MUC4: variants seen among roughly 807,000 people sequenced by gnomAD.
MUC4 encodes the protein mucin-4.
Under a neutral mutation model 257.9 loss-of-function variants are expected in MUC4, and 202 were observed. The ratio of observed to expected loss-of-function variants is 0.78; its 90% CI spans 0.70 to 0.88. MUC4 has a LOEUF of 0.88. Among genes scored for constraint, MUC4 ranks in the 40% least tolerant of loss-of-function variants. The probability of loss-of-function intolerance (pLI) is 0.00; values close to 1 mark genes in which losing one functional copy is unlikely to be tolerated. For missense variants in MUC4, 5,976 were observed against 6,513.7 expected, an observed-to-expected ratio of 0.92 and a Z score of 2.84; for synonymous variants, 2,351 against 2,757.1, an observed-to-expected ratio of 0.85 and a Z score of 4.62.
chr3:195,754,974 C>CCATGTGTGTATG (rs1378218361), intron 18 of MUC4, among the ~76,000 whole-genome samples: 1 of 151,960 alleles, frequency 6.6e-6, no homozygotes, highest in Non-Finnish European at 1.5e-5. Context: ...GTGTATGTAT[C>CCATGTGTGTATG]CATGTGTGTA....
At chr3:195,763,728 C>G in intron 11 of MUC4, 87 bp from the exon 12 acceptor site, 1 of 1,303,472 alleles carries the variant, frequency 7.7e-7, no homozygotes, top group Non-Finnish European at 1.0e-6. Context: ...CGGCACTTGT[C>G]CAGGAGGACT....
rs147254808 is a variant in MUC4 at position 195,789,150 on chromosome 3, C to T, written c.2430G>A (p.Ala810=). 8.7e-5 allele frequency: 141 copies of T among 1,613,702 alleles called. No individual in the cohort carries two copies. The highest frequency in any genetic ancestry group is 4.5e-4 in the East Asian group (20 of 44,866). The change falls in exon 2 of 25, where the codon GCG becomes GCA. Residue 810 remains alanine, a synonymous_variant. Transcript: ENST00000463781. ...CGCTTCCTGAAGGTGTTGTGCCACT[C>T]GCCCCGGATGAGGAAGGGGTAGCTG... is the stretch of plus-strand genomic sequence containing the variant. ...AGTATPSSSG[A]SGTTPSGSEG... is the part of the protein sequence containing the mutation.
Position 195,753,203 on chromosome 3 carries a change from T to A in MUC4, c.15356A>T (p.Asn5119Ile). 1 of 1,614,008 alleles carries A rather than the reference T, an allele frequency of 6.2e-7. No individual in the cohort carries two copies. The highest frequency in any genetic ancestry group is 8.5e-7 in the Non-Finnish European group (1 of 1,179,928). The change falls in exon 20 of 25, where the codon AAC (asparagine) becomes ATC (isoleucine). Residue 5119 changes from asparagine to isoleucine, a missense_variant. Around this residue, in one of 44 missense-constraint regions of MUC4, gnomAD observed 996 missense variants for 1,137.3 expected, o/e 0.88. Transcript: ENST00000463781. ...AALGSSFLCQ[N>I]QSCPVNYCYN... The stretch of plus-strand genomic sequence containing the variant: ...GCAGTAATTCACAGGGCAGGACTGG[T>A]TCTGACACAGGAAAGAGCTCCCCAG...
intron 4 of MUC4, among the ~76,000 whole-genome samples, chr3:195,772,302 G>C (rs1018140697): frequency 8.0e-5 from 12 of 150,768 alleles, no homozygotes; most frequent in Non-Finnish European, 1.6e-4. Context: ...CATCACTTAG[G>C]GGGTGGAACC....
intron 19 of MUC4, chr3:195,753,596 T>C (rs1200898928): frequency 3.0e-6 from 1 of 338,280 alleles, no homozygotes; most frequent in East Asian, 8.0e-5. Context: ...CACTCTGGCC[T>C]CGGCTCTGAA....
chr3:195,767,847 TCGCCAC>T (rs1560265783), intron 7 of MUC4, among the ~76,000 whole-genome samples: 23 of 45,918 alleles, frequency 5.0e-4, no homozygotes, highest in Non-Finnish European at 9.5e-4. Context: ...ACCACCACCA[TCGCCAC>T]CATCACCCCC....
At position 195,790,507 on chromosome 3, in the gene MUC4, C is replaced by G. The variant is rs765390640; in HGVS notation, c.1073G>C (p.Gly358Ala). ...TTSTVLSSPS[G>A]FNPSGTVSQE... ...AGAAACTGTTCCACTTGGGTTGAAT[C>G]CACTTGGTGAGGATAAAACAGTTGA... The change falls in exon 2 of 25, where the codon GGA (glycine) becomes GCA (alanine). Residue 358 changes from glycine to alanine, a missense_variant. Around this residue, in one of 44 missense-constraint regions of MUC4, gnomAD observed 1,583 missense variants for 1,257.4 expected, o/e 1.26. Transcript: ENST00000463781. The G allele has an allele frequency of 6.2e-7, 1 of 1,613,988 alleles. No individual in the cohort carries two copies. Among genetic ancestry groups the G allele is most frequent in the East Asian group, 2.2e-5 (1 of 44,876 alleles).
Position 195,785,411 on chromosome 3 carries a change from C to G in MUC4, c.6169G>C (p.Val2057Leu), listed in dbSNP as rs538445657. 77 of 1,507,676 alleles carry G rather than the reference C, an allele frequency of 5.1e-5. 6 individuals carry two copies. Among genetic ancestry groups the G allele is most frequent in the African/African-American group, 2.6e-4 (18 of 69,178 alleles). The allele number at this position is 1,507,676 out of a possible 1,614,324, so 93.4% of individuals were successfully genotyped here. The change falls in exon 2 of 25, where the codon GTA becomes CTA. Residue 2057 changes from valine to leucine, a missense_variant. Coordinates refer to ENST00000463781, the MANE Select transcript of MUC4 (RefSeq NM_018406.7). ...AGAGGCGTGGTGTCACCTGTGGATA[C>G]TGAGGAAAGGCTGGTGACAGGAAGA... ...TPLPVTSLSS[V>L]STGDTTPLPV...
chr3:195,790,153 G>A lies in MUC4; in HGVS notation c.1427C>T (p.Ser476Phe). ...HERSSFSPGVSQEIFTLHETT... is the reference protein window; with the variant it reads ...HERSSFSPGVFQEIFTLHETT... ...TTCATGTAGAGTAAATATTTCTTGAGACACACCTGGAGAGAATGAGCTCCT... is the reference window on the plus strand; with the variant it reads ...TTCATGTAGAGTAAATATTTCTTGAAACACACCTGGAGAGAATGAGCTCCT... The change falls in exon 2 of 25, where the codon TCT becomes TTT. Residue 476 changes from serine (S) to phenylalanine (F), a missense_variant. Physicochemically the swap from Ser to Phe is radical, Grantham distance 155 (BLOSUM62 -2). Transcript: ENST00000463781. 5.6e-6 allele frequency: 9 copies of A among 1,614,004 alleles called. No homozygotes were observed. The highest frequency in any genetic ancestry group is 7.6e-6 in the Non-Finnish European group (9 of 1,179,900).
In MUC4 at chr3:195,749,064, A is replaced by G. The variant is rs757159397; in HGVS notation, c.15872T>C (p.Leu5291Pro). The G allele has an allele frequency of 1.9e-6, 3 of 1,606,936 alleles. No individual in the cohort carries two copies. Among genetic ancestry groups the G allele is most frequent in the Non-Finnish European group, 1.7e-6 (2 of 1,175,848 alleles). Residue 5291 changes from leucine (L) to proline (P), a missense_variant and splice_region_variant, in exon 24 of 25, where the codon CTG becomes CCG. Physicochemically the swap from Leu to Pro is moderately conservative, Grantham distance 98. This residue lies in a region of MUC4 where 310 missense variants were observed against 242.1 expected (regional missense o/e 1.28). Transcript: ENST00000463781. ...SGEDVRDVTA[L>P]NVSTLKAYFR... The stretch of plus-strand genomic sequence containing the variant: ...GTAAGCCTTCAGCGTGCTCACGTTC[A>G]CTGTCGGGAAGGACACAGATTAACA...
At chr3:195,767,793 CCACCACCATCATCACCACCAT>C (rs1387265008) in intron 7 of MUC4, among the ~76,000 whole-genome samples, 1 of 73,214 alleles carries the variant, frequency 1.4e-5, no homozygotes, top group African/African-American at 5.3e-5. Flanking sequence ...ACCATCATTG[CCACCACCATCATCACCACCAT>C]CACCACCACC....
chr3:195,770,469 A>C, intron 5 of MUC4, 98 bp from the exon 6 acceptor site: 1 of 1,387,992 alleles, frequency 7.2e-7, no homozygotes, highest in Non-Finnish European at 1.0e-6. Flanking sequence ...ACTTCAGCCC[A>C]CCCAATGGCC....
In MUC4 at chr3:195,757,517, C is replaced by T. The variant is rs1169706302; in HGVS notation, c.14987-189G>A. On this transcript the variant is annotated intron_variant, in intron 17 of 24. Coordinates refer to ENST00000463781, the MANE Select transcript of MUC4 (RefSeq NM_018406.7). This position sits in a 1 kb window ranked among gnomAD's most constrained non-coding sequence, Gnocchi z 4.8. ...CTGGTCACGCTCCCAGCTGGAAGGACGTGGCACCAGTCCAACATACTGATT... is the reference window on the plus strand; with the variant it reads ...CTGGTCACGCTCCCAGCTGGAAGGATGTGGCACCAGTCCAACATACTGATT... Among the ~76,000 whole-genome samples, 6 of 151,950 alleles carry T rather than the reference C, an allele frequency of 3.9e-5. No individual in the cohort carries two copies. The highest frequency in any genetic ancestry group is 2.6e-4 in the Admixed American group (4 of 15,252).
In MUC4 at chr3:195,778,342, G is replaced by A. The variant is rs759653732; in HGVS notation, c.12904C>T (p.Arg4302Cys). The part of the protein sequence containing the change: ...STIPSTAMHT[R>C]STAAPIPILP... ...ATGGGGATGGGGGCAGCTGTGGAGC[G>A]GGTGTGCATGGCAGTGCTGGGAATG... Residue 4302 changes from arginine to cysteine, a missense_variant, in exon 3 of 25, where the codon CGC (arginine) becomes TGC (cysteine). By Grantham distance (180) the Arg-to-Cys change is radical. Transcript: ENST00000463781. The A allele has an allele frequency of 1.2e-5, 19 of 1,612,562 alleles. No individual in the cohort carries two copies. The highest frequency in any genetic ancestry group is 3.3e-5 in the Admixed American group (2 of 59,930).
intron 3 of MUC4, among the ~76,000 whole-genome samples, chr3:195,776,057 ATACCTTCCACACCCT>A: frequency 3.1e-5 from 1 of 32,272 alleles, no homozygotes; most frequent in Non-Finnish European, 5.5e-5. Flanking sequence ...TTCCACACCC[ATACCTTCCACACCCT>A]TACCTTCCAC....
At position 195,761,483 on chromosome 3, in the gene MUC4, C is replaced by A. The variant is rs774560690; in HGVS notation, c.14614+1G>T. 84 of 1,612,622 alleles carry A rather than the reference C, an allele frequency of 5.2e-5. No homozygotes were observed. Among genetic ancestry groups the A allele is most frequent in the Non-Finnish European group, 6.6e-5 (78 of 1,178,756 alleles). On this transcript the variant is annotated splice_donor_variant, in intron 15 of 24. Transcript: ENST00000463781. LOFTEE classifies it high-confidence loss of function. ...TGCCCCAGGACCCTGCCCAGACTCA[C>A]AGGTCATTCCAAAGTGGAAAAGCAT...
chr3:195,806,679 G>C (rs963727966), intron 1 of MUC4, among the ~76,000 whole-genome samples: 2 of 152,198 alleles, frequency 1.3e-5, no homozygotes, highest in Non-Finnish European at 2.9e-5. Flanking sequence ...TCCGTCGGTG[G>C]GCTGGGCTGG....
chr3:195,774,506 C>T (rs897722859), intron 3 of MUC4, among the ~76,000 whole-genome samples: 2 of 152,188 alleles, frequency 1.3e-5, no homozygotes, highest in Admixed American at 6.5e-5. Flanking sequence ...CCCTAAACTG[C>T]GCCTCTCATC....
intron 4 of MUC4, among the ~76,000 whole-genome samples, chr3:195,773,239 T>C (rs1723524016): frequency 7.0e-6 from 1 of 143,534 alleles, no homozygotes; most frequent in Non-Finnish European, 1.5e-5. Context: ...ACTCAGCAGG[T>C]GTAGATACCC....
Sources: gnomAD v4.1 joint callset for allele counts (sites outside exome capture counted in the v4.1 genomes callset) on GRCh38, gnomAD v4.1.1 for gene constraint, gnomAD v4.1.1 regional missense constraint, Gnocchi (gnomAD v3.1) non-coding constraint, MANE v1.5 for transcripts, NCBI Gene and HGNC (gene_info 2026-07-23, HGNC 2026-07-21) for gene names.